Variants in TKFC observed in about 807,000 individuals in gnomAD.
TKFC encodes triokinase and FMN cyclase, also known as triokinase/FMN cyclase.
A neutral mutation model predicts 61.0 loss-of-function variants in TKFC; 46 were observed. That is an observed-to-expected ratio of 0.75 (90% confidence interval 0.60 to 0.96). TKFC has a LOEUF of 0.96. TKFC is among the 50% of genes least tolerant of loss of function. The pLI, the probability that TKFC is intolerant of heterozygous loss-of-function variation, is 0.00. For synonymous variants in TKFC, 314 were observed against 330.1 expected (o/e 0.95, Z 0.53); for missense variants, 715 against 777.5 (o/e 0.92, Z 0.96).
rs1234751488 is a variant in TKFC, at chr11:61,348,117, A to C, written c.*1614A>C. ...ACAAGGCATCCACGTGCACAGGAGT[A>C]TGCGCCCAGCAGCTGGGAAGGAGGC... On this transcript the variant is annotated 3_prime_UTR_variant, in exon 18 of 18. Coordinates refer to ENST00000394900, the MANE Select transcript of TKFC (RefSeq NM_015533.4). The C allele has an allele frequency of 2.0e-6, 2 of 985,338 alleles. No individual in the cohort carries two copies. Among genetic ancestry groups the C allele is most frequent in the East Asian group, 2.3e-4 (2 of 8,822 alleles). The allele number at this position is 985,338 out of a possible 1,614,324, so 61.0% of individuals were successfully genotyped here.
chr11:61,334,847 CTCACGGGTG>C, intron 2 of TKFC, 116 bp downstream of exon 2: 1 of 1,466,084 alleles, frequency 6.8e-7, no homozygotes. Context: ...CCTCCTGAGG[CTCACGGGTG>C]AAGAGAGAGG....
Position 61,347,819 on chromosome 11 carries a change from T to A in TKFC, c.*1316T>A, listed in dbSNP as rs1321493238. ...TAAAATCAGAATGGTACCCACCTCA[T>A]GGGGACATGAAAGGATTCAAATGAA... is the stretch of plus-strand genomic sequence containing the variant. On this transcript the variant is annotated 3_prime_UTR_variant, in exon 18 of 18. Transcript: ENST00000394900. The A allele has an allele frequency of 9.2e-6, 9 of 976,458 alleles. No individual in the cohort carries two copies. Among genetic ancestry groups the A allele is most frequent in the African/African-American group, 1.8e-5 (1 of 57,042 alleles). The allele number at this position is 976,458 out of a possible 1,614,324, so 60.5% of individuals were successfully genotyped here.
At chr11:61,353,145 G>A (rs377621888), downstream of TKFC, 46 of 1,597,160 alleles carry the variant, frequency 2.9e-5, no homozygotes, top group Non-Finnish European at 3.3e-5. Context: ...AACCACTGTG[G>A]ACAAAAGGGA....
downstream of TKFC, chr11:61,350,531 C>T: frequency 3.6e-6 from 5 of 1,404,918 alleles, no homozygotes; most frequent in South Asian, 5.0e-5. Context: ...CCATCCAAGC[C>T]ACCAAATCCC....
At chr11:61,353,051 G>A (rs1468998280), downstream of TKFC, 2 of 1,613,952 alleles carry the variant, frequency 1.2e-6, no homozygotes, top group African/African-American at 2.7e-5. Context: ...GAGGATGGCG[G>A]CTCCAAAAAA....
Position 61,347,989 on chromosome 11 carries a change from AC to A in TKFC, c.*1491del. ...TAGGAAAGAGCCTCCTGCCCTCCCA[AC>A]CCCCGTCACCTACTTGGCCCAAATT... On this transcript the variant is annotated 3_prime_UTR_variant, in exon 18 of 18. Transcript: ENST00000394900. 2.0e-6 allele frequency: 2 copies of A among 984,424 alleles called. No individual in the cohort carries two copies. The highest frequency in any genetic ancestry group is 2.4e-6 in the Non-Finnish European group (2 of 829,702). 61.0% of individuals were successfully genotyped at this position (984,424 alleles called of 1,614,324 possible).
intron 2 of TKFC, chr11:61,335,472 A>T (rs1203069999): frequency 6.6e-6 from 1 of 152,362 alleles, no homozygotes; most frequent in Admixed American, 6.5e-5. Context: ...GGAGCAGGCC[A>T]CTTTCTTGGA....
At chr11:61,353,283 G>A, downstream of TKFC, 1 of 1,061,120 alleles carries the variant, frequency 9.4e-7, no homozygotes, top group Non-Finnish European at 1.3e-6. Context: ...CCACTACCGT[G>A]CTAGCTTCCT....
At position 61,334,625 on chromosome 11, in the gene TKFC, G is replaced by A; in HGVS notation, c.-104G>A. Reference sequence around the variant, plus strand: ...ATCGTTACCCACTCCTGCAGGTGCTGCTGCTGCCTCCACTGTACTCAGACC... The same window carrying A: ...ATCGTTACCCACTCCTGCAGGTGCTACTGCTGCCTCCACTGTACTCAGACC... On this transcript the variant is annotated 5_prime_UTR_variant, in exon 2 of 18. Coordinates refer to ENST00000394900, the MANE Select transcript of TKFC (RefSeq NM_015533.4). 1.3e-6 allele frequency: 2 copies of A among 1,501,820 alleles called. No individual in the cohort carries two copies. The highest frequency in any genetic ancestry group is 9.2e-7 in the Non-Finnish European group (1 of 1,085,228). 93.0% of individuals were successfully genotyped at this position (1,501,820 alleles called of 1,614,324 possible).
Position 61,345,948 on chromosome 11 carries a change from T to G in TKFC, c.1575+2T>G, listed in dbSNP as rs527572254. The G allele has an allele frequency of 6.2e-7, 1 of 1,613,250 alleles. No individual in the cohort carries two copies. The highest frequency in any genetic ancestry group is 8.5e-7 in the Non-Finnish European group (1 of 1,179,918). On this transcript the variant is annotated splice_donor_variant, in intron 17 of 17. Transcript: ENST00000394900. LOFTEE classifies it high-confidence loss of function. ...CAAGTCCTGACCAAAGCAGTCAAGG[T>G]GAGTGAGGCTGGGCCCAGCCACCTG...
chr11:61,348,979 A>G lies in TKFC; in HGVS notation c.*2476A>G, dbSNP rs1342916652. 1.3e-5 allele frequency: 2 copies of G among 155,982 alleles called. No individual in the cohort carries two copies. Among genetic ancestry groups the G allele is most frequent in the African/African-American group, 2.4e-5 (1 of 41,634 alleles). The allele number at this position is 155,982 out of a possible 1,614,324, so 9.7% of individuals were successfully genotyped here. On this transcript the variant is annotated 3_prime_UTR_variant, in exon 18 of 18. Coordinates refer to ENST00000394900, the MANE Select transcript of TKFC (RefSeq NM_015533.4). ...TTAGCCCTTCTGCCAACATCTGGCA[A>G]TGTGAGGCTGGGGTGGACGTTGGCC...
chr11:61,344,456 C>T (rs1454032915), intron 13 of TKFC, among the ~76,000 whole-genome samples, 183 bp downstream of exon 13: 2 of 146,056 alleles, frequency 1.4e-5, no homozygotes, highest in Non-Finnish European at 3.0e-5. Context: ...CTCCGCCCCC[C>T]GGGTTCAAGT....
At position 61,343,925 on chromosome 11, in the gene TKFC, G is replaced by A. The variant is rs765652741; in HGVS notation, c.1052G>A (p.Arg351Gln). Residue 351 changes from arginine (R) to glutamine (Q), a missense_variant, in exon 12 of 18, where the codon CGG (arginine) becomes CAG (glutamine). Physicochemically the swap from Arg to Gln is conservative, Grantham distance 43. Coordinates refer to ENST00000394900, the MANE Select transcript of TKFC (RefSeq NM_015533.4). ...AVSITGRKRSRVAPAEPQEAP... is the reference protein window; with the variant it reads ...AVSITGRKRSQVAPAEPQEAP... The stretch of plus-strand genomic sequence containing the variant: ...TCCATTACTGGGCGGAAGCGGAGCC[G>A]GGTAGCCCCTGCCGAGCCCCAGGAG... 15 of 1,611,112 alleles carry A rather than the reference G, an allele frequency of 9.3e-6. No individual in the cohort carries two copies. The highest frequency in any genetic ancestry group is 6.7e-5 in the East Asian group (3 of 44,896).
chr11:61,333,229 C>T lies in TKFC; in HGVS notation c.-210C>T. 2.9e-6 allele frequency: 1 copy of T among 346,734 alleles called. No homozygotes were observed. Among genetic ancestry groups the T allele is most frequent in the Non-Finnish European group, 5.2e-6 (1 of 192,768 alleles). 21.5% of individuals were successfully genotyped at this position (346,734 alleles called of 1,614,324 possible). ...GGAGGCACCGCCTCGCCTCTTTCCG[C>T]CAGCGCCCGCAGGACCCGGATGAGA... On this transcript the variant is annotated 5_prime_UTR_variant, in exon 1 of 18. Transcript: ENST00000394900.
chr11:61,349,335 G>A (rs1857288242), downstream of TKFC: 1 of 543,278 alleles, frequency 1.8e-6, no homozygotes, highest in Non-Finnish European at 3.3e-6. Flanking sequence ...GGCTCCCAGG[G>A]CTGCTGCACA....
At chr11:61,337,891 GGT>G in intron 2 of TKFC, 48 bp from the exon 3 acceptor site, 1 of 1,501,068 alleles carries the variant, frequency 6.7e-7, no homozygotes, top group East Asian at 2.4e-5. Flanking sequence ...GCAGGATGGG[GGT>G]ATCTGTACTG....
At chr11:61,351,138 G>A (rs753048238), downstream of TKFC, 14 of 1,608,264 alleles carry the variant, frequency 8.7e-6, no homozygotes, top group South Asian at 1.6e-4. Context: ...ATGGCCTGGT[G>A]GTGTTTTTCC....
intron 1 of TKFC, chr11:61,334,387 T>C (rs1476449691): frequency 7.2e-6 from 2 of 278,390 alleles, no homozygotes; most frequent in Non-Finnish European, 1.4e-5. Context: ...GTGCTGTTCC[T>C]GGACATAAAG....
intron 5 of TKFC, 150 bp from the exon 6 acceptor site, chr11:61,341,286 T>G (rs889583206): frequency 3.3e-5 from 26 of 787,314 alleles, no homozygotes; most frequent in Non-Finnish European, 5.3e-5. Flanking sequence ...GGGAGTTTGC[T>G]CTTCTGCCCT....
Sources: gnomAD v4.1 joint callset for allele counts (sites outside exome capture counted in the v4.1 genomes callset) on GRCh38, gnomAD v4.1.1 for gene constraint, MANE v1.5 for transcripts, NCBI Gene and HGNC (gene_info 2026-07-23, HGNC 2026-07-21) for gene names.